Variants in KATNAL2 observed in about 807,000 individuals in gnomAD.
KATNAL2 encodes katanin catalytic subunit A1 like 2.
Under a neutral mutation model 76.3 loss-of-function variants are expected in KATNAL2, and 52 were observed. The ratio of observed to expected loss-of-function variants is 0.68; its 90% CI spans 0.55 to 0.86. The LOEUF (loss-of-function observed/expected upper bound fraction) is 0.86, where lower values mean the gene tolerates loss of function less well. KATNAL2 is among the 40% of genes least tolerant of loss of function. The pLI is 0.00. For missense variants in KATNAL2, 660 were observed against 668.9 expected (o/e 0.99, Z 0.15); for synonymous variants, 243 against 244.2 (o/e 1.00, Z 0.05).
At chr18:47,036,823 T>C (rs777545637) in intron 3 of KATNAL2, among the ~76,000 whole-genome samples, 16 of 152,258 alleles carry the variant, frequency 1.1e-4, no homozygotes, top group Admixed American at 5.2e-4. Flanking sequence ...TTGTATTAAA[T>C]TCAATAAATG....
intron 15 of KATNAL2, among the ~76,000 whole-genome samples, chr18:47,087,879 T>C (rs1646277663): frequency 6.6e-6 from 1 of 152,136 alleles, no homozygotes; most frequent in African/African-American, 2.4e-5. Context: ...TAATCTATTG[T>C]GGACAACTTT....
intron 16 of KATNAL2, among the ~76,000 whole-genome samples, 167 bp downstream of exon 16, chr18:47,099,572 C>T (rs905003983): frequency 6.6e-6 from 1 of 152,226 alleles, no homozygotes; most frequent in African/African-American, 2.4e-5. Context: ...CTCCTTTTCA[C>T]TTAAAAATAT....
At chr18:46,945,408 A>G (rs992548257) in intron 1 of KATNAL2, among the ~76,000 whole-genome samples, 2 of 152,224 alleles carry the variant, frequency 1.3e-5, no homozygotes, top group Non-Finnish European at 2.9e-5. Flanking sequence ...GGCAATATAG[A>G]CTTTTCTTAT....
At position 47,033,483 on chromosome 18, in the gene KATNAL2, C is replaced by A. The variant is rs766504864; in HGVS notation, c.52-12974C>A. 3.1e-6 allele frequency: 5 copies of A among 1,614,186 alleles called. No homozygotes were observed. The Admixed American group carries it at 8.3e-5, about 27-fold the overall frequency. On this transcript the variant is annotated intron_variant, in intron 3 of 17. Transcript: ENST00000683218. ...TTTTGTTTTCCTGTGGCTTTTCTTC[C>A]TTGAAGTCCTGGAAACAATGATTCC...
chr18:47,060,262 G>A (rs147510883), intron 8 of KATNAL2, among the ~76,000 whole-genome samples: 9 of 152,210 alleles, frequency 5.9e-5, no homozygotes, highest in East Asian at 1.9e-4. Context: ...TTCCCAAAGC[G>A]CTAGGACATC....
intron 1 of KATNAL2, chr18:46,919,992 C>G: frequency 9.2e-7 from 1 of 1,081,862 alleles, no homozygotes; most frequent in Non-Finnish European, 1.3e-6. Context: ...GAGCTTACAC[C>G]CATAAAGAGG....
intron 3 of KATNAL2, among the ~76,000 whole-genome samples, chr18:46,953,870 G>A (rs2059642381): frequency 6.6e-6 from 1 of 152,164 alleles, no homozygotes; most frequent in Admixed American, 6.5e-5. Flanking sequence ...AGGTACCAGG[G>A]CCCTTTTCAT....
chr18:47,032,830 G>C (rs2060538172), intron 3 of KATNAL2: 1 of 1,265,708 alleles, frequency 7.9e-7, no homozygotes, highest in African/African-American at 1.5e-5. Flanking sequence ...GTAGTGGCTG[G>C]GTGTGGGAGG....
At chr18:47,100,799 G>C in intron 17 of KATNAL2, 67 bp from the exon 18 acceptor site, 1 of 1,565,620 alleles carries the variant, frequency 6.4e-7, no homozygotes, top group East Asian at 2.2e-5. Flanking sequence ...AGGTCTATTA[G>C]CGTTTCAAGA....
intron 3 of KATNAL2, among the ~76,000 whole-genome samples, chr18:47,045,309 T>TTTTTC (rs971657545): frequency 2.1e-5 from 3 of 145,056 alleles, no homozygotes; most frequent in Admixed American, 1.4e-4. Flanking sequence ...GGTTTGTTTG[T>TTTTTC]TTTTCTTTTC....
rs1056680991 is a variant in KATNAL2 at position 46,946,240 on chromosome 18, A to G, written c.-326A>G. 3.5e-5 allele frequency: 39 copies of G among 1,100,622 alleles called. No homozygotes were observed. Among genetic ancestry groups the G allele is most frequent in the Non-Finnish European group, 4.3e-5 (38 of 893,768 alleles). 68.2% of individuals were successfully genotyped at this position (1,100,622 alleles called of 1,614,324 possible). A position where few individuals can be genotyped will look rare whatever the true frequency, so the allele number is the denominator to read the frequency against. The stretch of plus-strand genomic sequence containing the variant: ...ACATGAAAAAAATAGAGCAGAGGAA[A>G]ACACGTCCATGTTTTTCCACGTCTA... On this transcript the variant is annotated 5_prime_UTR_variant, in exon 2 of 18. Transcript: ENST00000683218.
rs555628176 is a variant in KATNAL2 at position 47,083,895 on chromosome 18, A to G, written c.1211+6434A>G. Among the ~76,000 whole-genome samples the G allele has an allele frequency of 3.3e-5, 5 of 152,340 alleles. 1 individual carries two copies. Among genetic ancestry groups the G allele is most frequent in the Admixed American group, 3.3e-4 (5 of 15,302 alleles). On this transcript the variant is annotated intron_variant, in intron 15 of 17. Transcript: ENST00000683218. ...GGGAGTTTGTACAAATAAGGTGTGAAGACTAAATATATGAAGCATGCTGAA... is the reference window on the plus strand; with the variant it reads ...GGGAGTTTGTACAAATAAGGTGTGAGGACTAAATATATGAAGCATGCTGAA...
intron 6 of KATNAL2, among the ~76,000 whole-genome samples, chr18:47,057,113 T>C (rs527662848): frequency 6.6e-6 from 1 of 152,346 alleles, no homozygotes; most frequent in Non-Finnish European, 1.5e-5. Context: ...TGTGTGGTCT[T>C]GCTGGCCAAA....
chr18:46,961,764 G>C (rs183712835), intron 3 of KATNAL2, among the ~76,000 whole-genome samples: 31 of 152,316 alleles, frequency 2.0e-4, no homozygotes, highest in African/African-American at 7.2e-4. Context: ...AGAGAAAATA[G>C]TCCAAGGCCA....
At chr18:47,065,975 A>G (rs1352585948) in intron 10 of KATNAL2, among the ~76,000 whole-genome samples, 1 of 151,894 alleles carries the variant, frequency 6.6e-6, no homozygotes, top group Non-Finnish European at 1.5e-5. Context: ...AAGAAAAATT[A>G]AAAATAAATA....
rs577391128 is a variant in KATNAL2 at position 47,072,635 on chromosome 18, C to T, written c.1009-2642C>T. Reference sequence around the variant, plus strand: ...TAATTTTTGTGTAGAAATCAGGTTTCACCATGTTGCCCAGGCTCCTCTTGA... The same window carrying T: ...TAATTTTTGTGTAGAAATCAGGTTTTACCATGTTGCCCAGGCTCCTCTTGA... On this transcript the variant is annotated intron_variant, in intron 13 of 17. Transcript: ENST00000683218. 3.3e-5 allele frequency among the ~76,000 whole-genome samples: 5 copies of T among 152,240 alleles called. No individual in the cohort carries two copies. In the South Asian group the frequency reaches 1.0e-3, roughly 32 times the overall value.
chr18:46,930,440 ACATAGATT>A (rs1568981166), intron 1 of KATNAL2, among the ~76,000 whole-genome samples: 1 of 152,202 alleles, frequency 6.6e-6, no homozygotes, highest in Non-Finnish European at 1.5e-5. Flanking sequence ...TATCTTTTTG[ACATAGATT>A]CATAACATAC....
intron 15 of KATNAL2, among the ~76,000 whole-genome samples, chr18:47,082,346 T>C (rs1219107888): frequency 1.3e-5 from 2 of 152,210 alleles, no homozygotes; most frequent in African/African-American, 4.8e-5. Context: ...AACCAAAATA[T>C]GTCTTTAGAC....
At chr18:47,053,168 T>C (rs2147098692) in intron 5 of KATNAL2, 122 bp downstream of exon 5, 1 of 773,764 alleles carries the variant, frequency 1.3e-6, no homozygotes, top group Non-Finnish European at 2.0e-6. Flanking sequence ...GCCAGGAGGA[T>C]TGTGTAGCCA....
Sources: allele counts gnomAD v4.1 joint callset (sites outside exome capture counted in the v4.1 genomes callset), GRCh38; gene constraint gnomAD v4.1.1; transcripts MANE v1.5; gene names NCBI Gene and HGNC (gene_info 2026-07-23, HGNC 2026-07-21).